ANKRD30B: variants seen among roughly 807,000 people sequenced by gnomAD.
ANKRD30B encodes ankyrin repeat domain 30B.
A neutral mutation model predicts 202.2 loss-of-function variants in ANKRD30B; 144 were observed. The ratio of observed to expected loss-of-function variants is 0.71; its 90% CI spans 0.62 to 0.82. ANKRD30B has a LOEUF of 0.82. Ranked by LOEUF, ANKRD30B falls within the 40% of genes least tolerant of loss-of-function variation. ANKRD30B has a pLI of 0.00. For missense variants in ANKRD30B, 1,487 were observed against 1,669.1 expected (o/e 0.89, Z 1.90); for synonymous variants, 508 against 561.3 (o/e 0.91, Z 1.34).
the ANKRD30B span, among the ~76,000 whole-genome samples, chr18:14,896,868 A>G: frequency 6.0e-5 from 9 of 150,000 alleles, no homozygotes; most frequent in East Asian, 1.8e-3. Context: ...ATGATATCCT[A>G]TCTGGATATT....
chr18:14,855,910 C>G (rs574818048), downstream of ANKRD30B, among the ~76,000 whole-genome samples: 25 of 148,988 alleles, frequency 1.7e-4, no homozygotes, highest in Non-Finnish European at 7.4e-5. Flanking sequence ...TGGGCAGAGG[C>G]GCTCCTCACC....
chr18:14,838,781 T>C (rs1438561170), intron 36 of ANKRD30B, among the ~76,000 whole-genome samples: 12 of 152,252 alleles, frequency 7.9e-5, no homozygotes, highest in African/African-American at 2.9e-4. Context: ...CAAATACCAG[T>C]AACTTTGTTT....
chr18:14,835,643 T>C (rs1198372417), intron 34 of ANKRD30B, among the ~76,000 whole-genome samples: 1 of 151,580 alleles, frequency 6.6e-6, no homozygotes, highest in Non-Finnish European at 1.5e-5. Flanking sequence ...ACTTGAATAA[T>C]TGTTGCTTAA....
the ANKRD30B span, among the ~76,000 whole-genome samples, chr18:14,910,938 CTGTT>C: frequency 1.9e-3 from 296 of 152,268 alleles, no homozygotes; most frequent in African/African-American, 6.8e-3. Context: ...TGAAAAATGT[CTGTT>C]CATGTCCTTT....
At chr18:14,787,871 A>T (rs997961005) in intron 15 of ANKRD30B, among the ~76,000 whole-genome samples, 3 of 152,118 alleles carry the variant, frequency 2.0e-5, no homozygotes, top group Admixed American at 6.5e-5. Context: ...AGAGAGGTAG[A>T]TTTTATCTGA....
chr18:14,878,393 T>G, the ANKRD30B span, among the ~76,000 whole-genome samples: 2,058 of 152,222 alleles, frequency 0.014, 46 homozygotes, highest in African/African-American at 0.047. Context: ...CATTTACACT[T>G]TACTGCACTA....
the ANKRD30B span, among the ~76,000 whole-genome samples, chr18:14,882,320 C>T: frequency 0.014 from 2,083 of 152,188 alleles, 44 homozygotes; most frequent in African/African-American, 0.045. Context: ...TCATCCAGTT[C>T]GAAGAAATTT....
intron 16 of ANKRD30B, among the ~76,000 whole-genome samples, chr18:14,792,885 A>G (rs1478672080): frequency 1.2e-4 from 18 of 152,268 alleles, no homozygotes; most frequent in Non-Finnish European, 2.5e-4. Context: ...AACATGATAT[A>G]CCAAACCAGA....
intron 24 of ANKRD30B, chr18:14,808,339 G>T: frequency 1.7e-6 from 1 of 585,086 alleles, no homozygotes; most frequent in South Asian, 1.6e-5. Context: ...TTCATAGCAC[G>T]TTTGATGAAA....
intron 33 of ANKRD30B, among the ~76,000 whole-genome samples, chr18:14,829,566 G>C (rs1970814446): frequency 6.6e-6 from 1 of 152,138 alleles, no homozygotes; most frequent in Non-Finnish European, 1.5e-5. Context: ...TTACCAAAGA[G>C]ATCAGAATAT....
chr18:14,754,943 G>A lies in ANKRD30B; in HGVS notation c.555G>A (p.Lys185=). 1.9e-6 allele frequency: 3 copies of A among 1,559,440 alleles called. No individual in the cohort carries two copies. The highest frequency in any genetic ancestry group is 2.6e-6 in the Non-Finnish European group (3 of 1,151,192). Reference sequence around the variant, plus strand: ...TACTGGCCATACAGAAAAGAAGCAAGCAAACTGTGGAATTTTTACTAACAA... The same window carrying A: ...TACTGGCCATACAGAAAAGAAGCAAACAAACTGTGGAATTTTTACTAACAA... The part of the protein sequence containing the change: ...PLLLAIQKRS[K]QTVEFLLTKN... The change falls in exon 4 of 44, where the codon AAG becomes AAA. Residue 185 remains lysine (K), a synonymous_variant. Transcript: ENST00000690538.
At chr18:14,838,392 A>C (rs1206020293) in intron 36 of ANKRD30B, among the ~76,000 whole-genome samples, 1 of 152,352 alleles carries the variant, frequency 6.6e-6, no homozygotes, top group African/African-American at 2.4e-5. Flanking sequence ...AAGTATTGGC[A>C]TATTTTGATT....
the ANKRD30B span, among the ~76,000 whole-genome samples, chr18:14,875,909 C>T: frequency 1.3e-5 from 2 of 152,138 alleles, no homozygotes; most frequent in Non-Finnish European, 2.9e-5. Context: ...CTTCCCAGGG[C>T]TATAGCAATG....
intron 9 of ANKRD30B, among the ~76,000 whole-genome samples, chr18:14,774,314 ATACT>A (rs1967216423): frequency 1.3e-5 from 2 of 152,272 alleles, no homozygotes; most frequent in South Asian, 4.1e-4. Context: ...ACTGAAGCTC[ATACT>A]TGATTGACTG....
At chr18:14,911,338 A>G in the ANKRD30B span, among the ~76,000 whole-genome samples, 5 of 152,166 alleles carry the variant, frequency 3.3e-5, no homozygotes, top group Non-Finnish European at 1.5e-5. Context: ...TCCCTTCTGC[A>G]TAGGGCAATC....
chr18:14,787,896 A>G (rs1437686212), intron 15 of ANKRD30B, among the ~76,000 whole-genome samples: 5 of 152,188 alleles, frequency 3.3e-5, no homozygotes, highest in African/African-American at 4.8e-5. Flanking sequence ...TTATTAGACA[A>G]AACACTTTAA....
intron 34 of ANKRD30B, among the ~76,000 whole-genome samples, chr18:14,835,581 A>G (rs1424089850): frequency 4.6e-5 from 7 of 151,606 alleles, no homozygotes. Flanking sequence ...TCCTATGAAT[A>G]CTGAATTCTG....
chr18:14,938,128 A>T, the ANKRD30B span, among the ~76,000 whole-genome samples: 1 of 152,176 alleles, frequency 6.6e-6, no homozygotes, highest in South Asian at 2.1e-4. Context: ...ACTTAGGAGG[A>T]AATGCATAAA....
chr18:14,886,264 A>T, the ANKRD30B span, among the ~76,000 whole-genome samples: 1 of 152,052 alleles, frequency 6.6e-6, no homozygotes, highest in African/African-American at 2.4e-5. Flanking sequence ...ATATCTACCC[A>T]GCTGCATGAC....
Sources: gnomAD v4.1 joint callset for allele counts (sites outside exome capture counted in the v4.1 genomes callset) on GRCh38, gnomAD v4.1.1 for gene constraint, MANE v1.5 for transcripts, NCBI Gene and HGNC (gene_info 2026-07-23, HGNC 2026-07-21) for gene names.